Variants in TACC2 observed in about 807,000 individuals in gnomAD.
The protein encoded by TACC2 is transforming acidic coiled-coil containing protein 2.
In TACC2, 137 loss-of-function variants were observed where a neutral mutation model predicts 227.3. That is an observed-to-expected ratio of 0.60 (90% CI 0.52 to 0.69). The LOEUF is 0.69. Among genes scored for constraint, TACC2 ranks in the 30% least tolerant of loss-of-function variants. The pLI is 0.00. For synonymous variants in TACC2, 1,523 were observed against 1,487.5 expected (o/e 1.02, Z -0.55); for missense variants, 3,470 against 3,694.4 (o/e 0.94, Z 1.57).
intron 2 of TACC2, chr10:122,033,191 C>T (rs971248101): frequency 8.0e-7 from 1 of 1,255,588 alleles, no homozygotes; most frequent in African/African-American, 1.5e-5. Flanking sequence ...GCTTCCCTCT[C>T]AGCCCCTTCC....
At chr10:122,200,177 A>C (rs1252925283) in intron 8 of TACC2, among the ~76,000 whole-genome samples, 2 of 152,160 alleles carry the variant, frequency 1.3e-5, no homozygotes, top group Non-Finnish European at 2.9e-5. Flanking sequence ...AGGTGAGACC[A>C]CTGGAGATTC....
chr10:122,063,990 C>A (rs184659706), intron 3 of TACC2, among the ~76,000 whole-genome samples: 2 of 151,700 alleles, frequency 1.3e-5, no homozygotes, highest in African/African-American at 4.8e-5. Flanking sequence ...GGTGAAACCC[C>A]GTCTCTACTA....
intron 16 of TACC2, among the ~76,000 whole-genome samples, chr10:122,231,996 C>T (rs1367695902): frequency 6.6e-6 from 1 of 152,232 alleles, no homozygotes; most frequent in African/African-American, 2.4e-5. Flanking sequence ...GTGAGGTCTC[C>T]TTGGCCATAC....
chr10:122,215,328 G>C (rs1240077235), intron 9 of TACC2, 63 bp from the exon 10 acceptor site: 1 of 1,465,086 alleles, frequency 6.8e-7, no homozygotes, highest in Admixed American at 1.7e-5. Context: ...GGTCCGCTCT[G>C]TACTGCTCTG....
chr10:122,148,253 G>A (rs1327172977), intron 7 of TACC2, among the ~76,000 whole-genome samples: 2 of 151,974 alleles, frequency 1.3e-5, no homozygotes, highest in Non-Finnish European at 2.9e-5. Flanking sequence ...ATAGGCACCC[G>A]CCACCATGCC....
At chr10:122,237,592 G>C in intron 17 of TACC2, 54 bp downstream of exon 17, 1 of 1,572,574 alleles carries the variant, frequency 6.4e-7, no homozygotes, top group East Asian at 2.3e-5. Flanking sequence ...AAATACGTAT[G>C]CTCGTGGTCC....
chr10:122,153,295 T>G (rs1468746355), intron 7 of TACC2, among the ~76,000 whole-genome samples: 1 of 152,208 alleles, frequency 6.6e-6, no homozygotes, highest in Non-Finnish European at 1.5e-5. Flanking sequence ...TGGCCCGATA[T>G]GTATTTCATC....
intron 5 of TACC2, chr10:122,126,766 A>T (rs115881759): frequency 6.6e-6 from 1 of 151,730 alleles, no homozygotes. Flanking sequence ...TGATTCAGCT[A>T]TTCTCCTCTC....
chr10:122,029,586 G>A (rs1312906060), intron 2 of TACC2, among the ~76,000 whole-genome samples: 3 of 152,150 alleles, frequency 2.0e-5, no homozygotes, highest in Non-Finnish European at 2.9e-5. Flanking sequence ...AAAAATGTTG[G>A]CAACTAATTT....
rs71026008 is a variant in TACC2 at position 122,180,339 on chromosome 10, C to CT, written c.5835-14686dup. 0.033 allele frequency among the ~76,000 whole-genome samples: 4,514 copies of CT among 136,850 alleles called. 168 individuals are homozygous for CT. The highest frequency in any genetic ancestry group is 0.24 in the East Asian group (1,093 of 4,618). The allele number at this position is 136,850 out of a possible 152,430, so 89.8% of individuals were successfully genotyped here. ...GCCTGAAACTTTCTTCCCCCCAGTT[C>CT]TTTTTTTTTTTTTTTGGGTTAATAG... On this transcript the variant is annotated intron_variant, in intron 7 of 22. Coordinates refer to ENST00000369005, the MANE Select transcript of TACC2 (RefSeq NM_206862.4). This position sits in a 1 kb window ranked among gnomAD's most constrained non-coding sequence, Gnocchi z 4.5.
chr10:122,016,582 A>G (rs907890070), intron 1 of TACC2, among the ~76,000 whole-genome samples: 7 of 149,672 alleles, frequency 4.7e-5, no homozygotes, highest in Admixed American at 4.6e-4. Flanking sequence ...AAAAAAAAAA[A>G]AAAGTCAGTC....
chr10:122,089,496 A>G (rs953612102), intron 5 of TACC2, among the ~76,000 whole-genome samples: 1 of 152,224 alleles, frequency 6.6e-6, no homozygotes, highest in African/African-American at 2.4e-5. Context: ...TCTTTTCTAC[A>G]TGAAATGCCA....
intron 7 of TACC2, among the ~76,000 whole-genome samples, chr10:122,151,974 G>A (rs545215270): frequency 6.6e-6 from 1 of 152,212 alleles, no homozygotes; most frequent in African/African-American, 2.4e-5. Context: ...GCAGGGGCTC[G>A]CTGGGAGAAG....
chr10:122,176,076 T>C (rs1027484260), intron 7 of TACC2, among the ~76,000 whole-genome samples: 2 of 66,876 alleles, frequency 3.0e-5, no homozygotes. Context: ...CAAAACCTTC[T>C]CTCTCTCTCT....
intron 5 of TACC2, among the ~76,000 whole-genome samples, chr10:122,093,698 G>T (rs2081074189): frequency 6.6e-6 from 1 of 152,118 alleles, no homozygotes; most frequent in Admixed American, 6.6e-5. Flanking sequence ...TCCATCCTCA[G>T]TTTCTCTCTC....
Position 122,237,364 on chromosome 10 carries a change from GT to G in TACC2, c.8128-21del, listed in dbSNP as rs111577265. ...CTTTGTCGTATGATTAATGCTAACTGTTTTTTTTTTAATTAAAAACGATTCC... is the reference window on the plus strand; with the variant it reads ...CTTTGTCGTATGATTAATGCTAACTGTTTTTTTTTAATTAAAAACGATTCC... On this transcript the variant is annotated intron_variant, in intron 16 of 22. Coordinates refer to ENST00000369005, the MANE Select transcript of TACC2 (RefSeq NM_206862.4). 1.4e-3 allele frequency: 1,937 copies of G among 1,364,068 alleles called. 2 individuals carry two copies. The highest frequency in any genetic ancestry group is 4.2e-3 in the Admixed American group (203 of 48,414). The allele number at this position is 1,364,068 out of a possible 1,614,324, so 84.5% of individuals were successfully genotyped here.
chr10:122,143,565 TC>T lies in TACC2; in HGVS notation c.5700-3del, dbSNP rs758135196. 5 of 1,613,480 alleles carry T rather than the reference TC, an allele frequency of 3.1e-6. No individual in the cohort carries two copies. Among genetic ancestry groups the T allele is most frequent in the Non-Finnish European group, 4.2e-6 (5 of 1,179,708 alleles). On this transcript the variant is annotated splice_region_variant and splice_polypyrimidine_tract_variant and intron_variant, in intron 6 of 22. Coordinates refer to ENST00000369005, the MANE Select transcript of TACC2 (RefSeq NM_206862.4). ...CATGTGGAATAATTCCCTCATTGTG[TC>T]CCCAGCATCTCCCCAGCTGCTGCCC...
chr10:122,022,247 A>G (rs1274571535), intron 2 of TACC2: 2 of 470,666 alleles, frequency 4.2e-6, no homozygotes, highest in East Asian at 3.6e-5. Context: ...CTTATTATTT[A>G]TTATTATTTT....
chr10:122,204,229 T>G (rs2140907495), intron 8 of TACC2, among the ~76,000 whole-genome samples: 1 of 151,926 alleles, frequency 6.6e-6, no homozygotes, highest in Admixed American at 6.6e-5. Context: ...ACTGCCTTCT[T>G]TAGCTTTTAA....
Sources: allele counts gnomAD v4.1 joint callset (sites outside exome capture counted in the v4.1 genomes callset), GRCh38; gene constraint gnomAD v4.1.1; non-coding constraint Gnocchi (gnomAD v3.1); transcripts MANE v1.5; gene names NCBI Gene and HGNC (gene_info 2026-07-23, HGNC 2026-07-21).